SPARC: variants seen among roughly 807,000 people sequenced by gnomAD.
The protein encoded by SPARC is secreted protein acidic and cysteine rich, also known as basement-membrane protein 40.
Under a neutral mutation model 37.7 loss-of-function variants are expected in SPARC, and 23 were observed. The ratio of observed to expected loss-of-function variants is 0.61; its 90% CI spans 0.44 to 0.87. SPARC has a LOEUF of 0.87. Ranked by LOEUF, SPARC falls within the 40% of genes least tolerant of loss-of-function variation. The pLI, the probability that SPARC is intolerant of heterozygous loss-of-function variation, is 0.00. For synonymous variants in SPARC, 155 were observed against 150.8 expected (o/e 1.03, Z -0.20); for missense variants, 312 against 389.0 (o/e 0.80, Z 1.66).
At chr5:151,664,307 G>T in intron 8 of SPARC, 72 bp from the exon 9 acceptor site, 1 of 1,416,708 alleles carries the variant, frequency 7.1e-7, no homozygotes, top group Non-Finnish European at 9.8e-7. Flanking sequence ...AGGCAACCGG[G>T]GAGTTAGCCT....
intron 4 of SPARC, among the ~76,000 whole-genome samples, chr5:151,672,184 T>C (rs112679431): frequency 2.4e-3 from 360 of 152,232 alleles, no homozygotes; most frequent in African/African-American, 8.4e-3. Context: ...TGCTGGACAA[T>C]AGAGCCTGGT....
At chr5:151,666,233 G>T in intron 8 of SPARC, 128 bp downstream of exon 8, 1 of 895,380 alleles carries the variant, frequency 1.1e-6, no homozygotes, top group Non-Finnish European at 1.7e-6. Context: ...TCATCCTTCT[G>T]CTCCAATCCC....
Position 151,673,939 on chromosome 5 carries a change from GCCACAC to G in SPARC, c.120+667_120+672del, listed in dbSNP as rs375150308. On this transcript the variant is annotated intron_variant, in intron 3 of 9. Coordinates refer to ENST00000231061, the MANE Select transcript of SPARC (RefSeq NM_003118.4). ...GGGTGTCAAGCCTCCACCCCTGCCAGCCACACCCAAGCATCTCCCCTTTCCTCTGTG... is the reference window on the plus strand; with the variant it reads ...GGGTGTCAAGCCTCCACCCCTGCCAGCCAAGCATCTCCCCTTTCCTCTGTG... 2.2e-3 allele frequency among the ~76,000 whole-genome samples: 334 copies of G among 151,386 alleles called. 4 individuals are homozygous for G. Among genetic ancestry groups the G allele is most frequent in the African/African-American group, 7.8e-3 (321 of 41,210 alleles).
At chr5:151,686,410 C>T (rs571438511) in intron 1 of SPARC, 1 of 152,310 alleles carries the variant, frequency 6.6e-6, no homozygotes, top group East Asian at 1.9e-4. Context: ...TGCAAAGTCC[C>T]TTTTGGAAAA....
At chr5:151,685,455 C>G (rs932188886) in intron 1 of SPARC, among the ~76,000 whole-genome samples, 2 of 151,604 alleles carry the variant, frequency 1.3e-5, no homozygotes, top group East Asian at 3.9e-4. Context: ...CACACACACA[C>G]ACAGTGCATA....
chr5:151,669,953 T>C (rs1760713788), intron 5 of SPARC, among the ~76,000 whole-genome samples, 169 bp from the exon 6 acceptor site: 2 of 152,180 alleles, frequency 1.3e-5, no homozygotes, highest in Admixed American at 1.3e-4. Context: ...ATCCACTTTT[T>C]GGGTTCCCAG....
In SPARC at chr5:151,666,462, G is replaced by C. The variant is rs149306790; in HGVS notation, c.633C>G (p.His211Gln). ...ENEKRLEAGD[H>Q]PVELLARDFE... ...AGTCCCGGGCCAGCAGCTCCACGGG[G>C]TGGTCTCCTGCCTCCAGGCGCTTCT... Residue 211 changes from histidine (H) to glutamine (Q), a missense_variant, in exon 8 of 10, where the codon CAC becomes CAG. Transcript: ENST00000231061. The C allele has an allele frequency of 6.2e-7, 1 of 1,614,148 alleles. No individual in the cohort carries two copies. Among genetic ancestry groups the C allele is most frequent in the Admixed American group, 1.7e-5 (1 of 60,030 alleles).
rs899076771 is a variant in SPARC at position 151,662,023 on chromosome 5, C to T, written c.*1548G>A. 2.0e-5 allele frequency: 3 copies of T among 152,314 alleles called. No homozygotes were observed. Among genetic ancestry groups the T allele is most frequent in the Admixed American group, 2.0e-4 (3 of 15,284 alleles). 9.4% of individuals were successfully genotyped at this position (152,314 alleles called of 1,614,324 possible). ...TGTATTCCTCCTGGACTCTAAGCTC[C>T]AAATGAACAAATGCTTTGTCTACTT... On this transcript the variant is annotated 3_prime_UTR_variant, in exon 10 of 10. Coordinates refer to ENST00000231061, the MANE Select transcript of SPARC (RefSeq NM_003118.4).
chr5:151,665,027 G>T (rs3776959), intron 8 of SPARC, among the ~76,000 whole-genome samples: 1 of 151,912 alleles, frequency 6.6e-6, no homozygotes, highest in African/African-American at 2.4e-5. Context: ...TCTAGACCTC[G>T]CAGCCCCACC....
rs751621920 is a variant in SPARC at position 151,678,276 on chromosome 5, G to A, written c.-13-2075C>T. 2.0e-4 allele frequency among the ~76,000 whole-genome samples: 31 copies of A among 152,150 alleles called. 1 individual carries two copies. Among genetic ancestry groups the A allele is most frequent in the African/African-American group, 2.9e-4 (12 of 41,428 alleles). On this transcript the variant is annotated intron_variant, in intron 1 of 9. Coordinates refer to ENST00000231061, the MANE Select transcript of SPARC (RefSeq NM_003118.4). ...AAGACAGACATTTCCCTGAGTCTGC[G>A]TCCTTCATATGAGCAGAGTAACCGC...
intron 8 of SPARC, 45 bp from the exon 9 acceptor site, chr5:151,664,280 C>T: frequency 6.3e-7 from 1 of 1,586,604 alleles, no homozygotes; most frequent in African/African-American, 1.3e-5. Context: ...TGGAAAAGCT[C>T]CACACCCAGC....
chr5:151,675,389 T>C (rs919968327), intron 2 of SPARC, among the ~76,000 whole-genome samples: 3 of 152,154 alleles, frequency 2.0e-5, no homozygotes, highest in Non-Finnish European at 4.4e-5. Context: ...ACTACTCCTG[T>C]CCCTGCATGC....
chr5:151,673,314 A>G (rs1760787013), intron 3 of SPARC, 98 bp from the exon 4 acceptor site: 1 of 836,568 alleles, frequency 1.2e-6, no homozygotes, highest in South Asian at 1.4e-5. Context: ...GCACAAACGC[A>G]GGGTTGGGAA....
intron 5 of SPARC, 139 bp from the exon 6 acceptor site, chr5:151,669,923 G>C (rs2113093707): frequency 8.1e-7 from 1 of 1,229,956 alleles, no homozygotes; most frequent in Middle Eastern, 2.0e-4. Context: ...TAGTGAGTTA[G>C]TGATAGGGCT....
In SPARC at chr5:151,664,123, G is replaced by C. The variant is rs1024936272; in HGVS notation, c.847C>G (p.Leu283Val). 1 of 1,614,192 alleles carries C rather than the reference G, an allele frequency of 6.2e-7. No individual in the cohort carries two copies. Among genetic ancestry groups the C allele is most frequent in the Non-Finnish European group, 8.5e-7 (1 of 1,180,038 alleles). The change falls in exon 9 of 10, where the codon CTG becomes GTG. Residue 283 changes from leucine to valine, a missense_variant. Physicochemically the swap from Leu to Val is conservative, Grantham distance 32. Transcript: ENST00000231061. The part of the protein sequence containing the change: ...CDLDNDKYIA[L>V]DEWAGCFGIK... ...CCGAAGCAGCCGGCCCACTCATCCA[G>C]GGCGATGTACTTGTCATTGTCCAGG...
chr5:151,668,544 C>T (rs1760680560), intron 6 of SPARC, among the ~76,000 whole-genome samples: 1 of 152,152 alleles, frequency 6.6e-6, no homozygotes, highest in African/African-American at 2.4e-5. Context: ...ATCCAGCATC[C>T]AGGGCAGTGT....
rs557022095 is a variant in SPARC, at chr5:151,662,116, GTGAATGAATGAA to G, written c.*1443_*1454del. ...AGAGTAAATACATCATAAATATTTT[GTGAATGAATGAA>G]TGAATGAATGACCATGATTAATAAA... is the stretch of plus-strand genomic sequence containing the variant. On this transcript the variant is annotated 3_prime_UTR_variant, in exon 10 of 10. Transcript: ENST00000231061. The G allele has an allele frequency of 2.6e-5, 4 of 152,690 alleles. No individual in the cohort carries two copies. Among genetic ancestry groups the G allele is most frequent in the African/African-American group, 4.8e-5 (2 of 41,546 alleles). The allele number at this position is 152,690 out of a possible 1,614,324, so 9.5% of individuals were successfully genotyped here.
intron 9 of SPARC, 125 bp from the exon 10 acceptor site, chr5:151,663,724 C>T (rs1760563605): frequency 2.3e-6 from 2 of 880,718 alleles, no homozygotes; most frequent in South Asian, 1.5e-5. Context: ...GCAAGGTCAC[C>T]CAGGAAGTCA....
intron 4 of SPARC, 196 bp downstream of exon 4, chr5:151,672,933 G>T: frequency 1.7e-6 from 1 of 580,982 alleles, no homozygotes; most frequent in South Asian, 2.0e-5. Context: ...CCTGGAAACC[G>T]ATCTTGCCCA....
Sources: gnomAD v4.1 joint callset for allele counts (sites outside exome capture counted in the v4.1 genomes callset) on GRCh38, gnomAD v4.1.1 for gene constraint, MANE v1.5 for transcripts, NCBI Gene and HGNC (gene_info 2026-07-23, HGNC 2026-07-21) for gene names.